CAMTA2: variants seen among roughly 807,000 people sequenced by gnomAD.
The protein encoded by CAMTA2 is calmodulin binding transcription activator 2.
CAMTA2 carries 56 observed loss-of-function variants against 135.7 expected under a neutral mutation model. That is an observed-to-expected ratio of 0.41 (90% CI 0.33 to 0.52). The LOEUF (loss-of-function observed/expected upper bound fraction) is 0.52, where lower values mean the gene tolerates loss of function less well. Among genes scored for constraint, CAMTA2 ranks in the 20% least tolerant of loss-of-function variants. CAMTA2 has a pLI of 0.16. For missense variants in CAMTA2, 1,358 were observed against 1,553.4 expected (o/e 0.87, Z 2.11); for synonymous variants, 591 against 604.6 (o/e 0.98, Z 0.33).
intron 1 of CAMTA2, chr17:4,986,712 C>A: frequency 1.8e-6 from 1 of 553,186 alleles, no homozygotes; most frequent in Non-Finnish European, 3.2e-6. Context: ...CCGGTAGAAG[C>A]TAGGCCTTTA....
chr17:4,973,838 C>T (rs1045116718), intron 12 of CAMTA2, 69 bp from the exon 13 acceptor site: 27 of 1,375,942 alleles, frequency 2.0e-5, no homozygotes, highest in Non-Finnish European at 2.3e-5. Flanking sequence ...GCCTTGGCCA[C>T]CTCACATCTG....
chr17:4,986,244 G>C lies in CAMTA2; in HGVS notation c.-22C>G. On this transcript the variant is annotated 5_prime_UTR_variant, in exon 2 of 23. Transcript: ENST00000348066. ...TCATGGTGAGGGCTCCAGGGGGCAAGGTCACCCCCGGCCTGAGGGGCCGGG... is the reference window on the plus strand; with the variant it reads ...TCATGGTGAGGGCTCCAGGGGGCAACGTCACCCCCGGCCTGAGGGGCCGGG... The C allele has an allele frequency of 3.7e-6, 6 of 1,603,970 alleles. No individual in the cohort carries two copies. Among genetic ancestry groups the C allele is most frequent in the Non-Finnish European group, 5.1e-6 (6 of 1,171,274 alleles).
In CAMTA2 at chr17:4,968,798, G is replaced by A. The variant is rs141566203; in HGVS notation, c.3567C>T (p.Asn1189=). ...CRHRMRELKQ[N]QELEGLPQPG... Reference sequence around the variant, plus strand: ...GCTGGGGAAGCCCTTCCAGCTCCTGGTTCTGCTTCAGTTCCCTCATCCTGC... The same window carrying A: ...GCTGGGGAAGCCCTTCCAGCTCCTGATTCTGCTTCAGTTCCCTCATCCTGC... Residue 1189 remains asparagine (N), a synonymous_variant, in exon 23 of 23, where the codon AAC becomes AAT. Transcript: ENST00000348066. 2.8e-5 allele frequency: 46 copies of A among 1,614,066 alleles called. No homozygotes were observed. Among genetic ancestry groups the A allele is most frequent in the Non-Finnish European group, 3.8e-5 (45 of 1,180,042 alleles).
At position 4,969,338 on chromosome 17, in the gene CAMTA2, C is replaced by G. The variant is rs1972111957; in HGVS notation, c.3283-1G>C. 1 of 1,613,466 alleles carries G rather than the reference C, an allele frequency of 6.2e-7. No homozygotes were observed. The highest frequency in any genetic ancestry group is 1.3e-5 in the African/African-American group (1 of 74,834). On this transcript the variant is annotated splice_acceptor_variant, in intron 20 of 22. Transcript: ENST00000348066. LOFTEE classifies it high-confidence loss of function. The surrounding 1 kb of genome is among the most constrained non-coding windows in gnomAD (Gnocchi z 5.6). ...GGGTCATCTTCTTATAGAGTGCAAA[C>G]TGCAGGGGTGGGGAGGAGGGACAGG...
intron 12 of CAMTA2, chr17:4,974,135 G>A (rs1263264070): frequency 2.1e-5 from 11 of 523,312 alleles, no homozygotes; most frequent in African/African-American, 1.4e-4. Context: ...CCCCTCCCCC[G>A]CCCTCTCCTT....
chr17:4,981,981 G>T (rs886482644), intron 6 of CAMTA2, 108 bp downstream of exon 6: 7 of 1,264,404 alleles, frequency 5.5e-6, no homozygotes, highest in African/African-American at 4.5e-5. Context: ...TTCTTCCCAG[G>T]CTCCTTTCCT....
chr17:4,987,168 G>A, intron 1 of CAMTA2: 1 of 1,346,818 alleles, frequency 7.4e-7, no homozygotes, highest in South Asian at 1.9e-5. Context: ...GCCTGCCAGG[G>A]TGCGGAGCGG....
chr17:4,973,479 C>T, intron 13 of CAMTA2, 106 bp downstream of exon 13: 1 of 1,196,186 alleles, frequency 8.4e-7, no homozygotes, highest in Non-Finnish European at 1.2e-6. Context: ...CCCACAATGA[C>T]CCCAACTCCC....
At chr17:4,984,426 G>T (rs1973143926) in intron 3 of CAMTA2, among the ~76,000 whole-genome samples, 1 of 152,186 alleles carries the variant, frequency 6.6e-6, no homozygotes, top group African/African-American at 2.4e-5. Flanking sequence ...TACAAGGCAG[G>T]TACCATGTGC....
At chr17:4,978,937 G>A (rs141763595) in intron 9 of CAMTA2, among the ~76,000 whole-genome samples, 1 of 152,162 alleles carries the variant, frequency 6.6e-6, no homozygotes, top group Non-Finnish European at 1.5e-5. Context: ...CACCCCCACT[G>A]TACTTCCTCC....
In CAMTA2 at chr17:4,974,554, A is replaced by T; in HGVS notation, c.1901-54T>A. 3 of 1,056,652 alleles carry T rather than the reference A, an allele frequency of 2.8e-6. No homozygotes were observed. In the Admixed American group the frequency reaches 5.1e-5, roughly 18 times the overall value. The allele number at this position is 1,056,652 out of a possible 1,614,324, so 65.5% of individuals were successfully genotyped here. On this transcript the variant is annotated intron_variant, in intron 11 of 22. Transcript: ENST00000348066. ...GTGGGCAGTCTAGGTGATGCCCTGA[A>T]CACCAAAAGTAGACCTGTCCCAAGA... is the stretch of plus-strand genomic sequence containing the variant.
At position 4,980,099 on chromosome 17, in the gene CAMTA2, G is replaced by C. The variant is rs148000158; in HGVS notation, c.1223C>G (p.Thr408Ser). ...PDFPEAEAAH[T>S]PCSALEPAAA... Reference sequence around the variant, plus strand: ...AGCAGGCTCTAGGGCAGAACAGGGGGTATGAGCGGCCTCTGCCTCGGGGAA... The same window carrying C: ...AGCAGGCTCTAGGGCAGAACAGGGGCTATGAGCGGCCTCTGCCTCGGGGAA... The change falls in exon 9 of 23, where the codon ACC becomes AGC. Residue 408 changes from threonine to serine, a missense_variant. Around this residue, in one of 4 missense-constraint regions of CAMTA2, gnomAD observed 1,077 missense variants for 1,127.5 expected, o/e 0.96. Coordinates refer to ENST00000348066, the MANE Select transcript of CAMTA2 (RefSeq NM_015099.4). This position sits in a 1 kb window ranked among gnomAD's most constrained non-coding sequence, Gnocchi z 5.3. The C allele has an allele frequency of 6.2e-7, 1 of 1,611,840 alleles. No homozygotes were observed. Among genetic ancestry groups the C allele is most frequent in the African/African-American group, 1.3e-5 (1 of 75,014 alleles).
chr17:4,971,187 C>T (rs766569920), intron 16 of CAMTA2, among the ~76,000 whole-genome samples: 4 of 152,186 alleles, frequency 2.6e-5, no homozygotes, highest in Non-Finnish European at 4.4e-5. Context: ...TTATCATGTG[C>T]AAGCCTCCTT....
At position 4,986,254 on chromosome 17, in the gene CAMTA2, G is replaced by GGCCTGAGGGGCC. The variant is rs1331535220; in HGVS notation, c.-44_-33dup. ...GGCTCCAGGGGGCAAGGTCACCCCCGGCCTGAGGGGCCGGGGGGAGGGGGA... is the reference window on the plus strand; with the variant it reads ...GGCTCCAGGGGGCAAGGTCACCCCCGGCCTGAGGGGCCGCCTGAGGGGCCGGGGGGAGGGGGA... On this transcript the variant is annotated 5_prime_UTR_variant, in exon 2 of 23. Transcript: ENST00000348066. 1.9e-6 allele frequency: 3 copies of GGCCTGAGGGGCC among 1,565,706 alleles called. No homozygotes were observed. The highest frequency in any genetic ancestry group is 2.6e-6 in the Non-Finnish European group (3 of 1,143,516).
chr17:4,981,699 A>T lies in CAMTA2; in HGVS notation c.544T>A (p.Leu182Met). ...EWLKWSREEL[L>M]GQLKPMFHGI... ...TTACACATGGGCTTCAGCTGTCCCA[A>T]CAACTCCTCCCGGGACCACTTCAGC... The change falls in exon 7 of 23, where the codon TTG becomes ATG. Residue 182 changes from leucine (L) to methionine (M), a missense_variant. By Grantham distance (15) the Leu-to-Met change is conservative. Around this residue, in one of 4 missense-constraint regions of CAMTA2, gnomAD observed 1,077 missense variants for 1,127.5 expected, o/e 0.96. Coordinates refer to ENST00000348066, the MANE Select transcript of CAMTA2 (RefSeq NM_015099.4). The T allele has an allele frequency of 6.2e-7, 1 of 1,608,210 alleles. No homozygotes were observed. Among genetic ancestry groups the T allele is most frequent in the Non-Finnish European group, 8.5e-7 (1 of 1,177,156 alleles).
In CAMTA2 at chr17:4,969,556, A is replaced by G. The variant is rs1041294712; in HGVS notation, c.3262-36T>C. ...GAGAAGGGGAGTTAGGGCTCTGGCA[A>G]CATTCTGGAATGGTTAGGCGTGGGT... On this transcript the variant is annotated intron_variant, in intron 19 of 22. Transcript: ENST00000348066. This position sits in a 1 kb window ranked among gnomAD's most constrained non-coding sequence, Gnocchi z 5.6. 2.5e-6 allele frequency: 4 copies of G among 1,614,006 alleles called. No individual in the cohort carries two copies. The African/African-American group carries it at 4.0e-5, about 16-fold the overall frequency.
At chr17:4,981,627 G>T in intron 7 of CAMTA2, 51 bp downstream of exon 7, 1 of 1,529,304 alleles carries the variant, frequency 6.5e-7, no homozygotes, top group Non-Finnish European at 8.8e-7. Context: ...CCCTCTGGGA[G>T]CCCTGTTTCT....
intron 8 of CAMTA2, 41 bp downstream of exon 8, chr17:4,981,184 G>A (rs1268000895): frequency 5.0e-6 from 8 of 1,606,484 alleles, no homozygotes; most frequent in Non-Finnish European, 6.8e-6. Flanking sequence ...GAGCAGTGTG[G>A]CTAGGTGGGA....
At chr17:4,974,350 C>G in intron 12 of CAMTA2, 35 bp downstream of exon 12, 1 of 1,355,126 alleles carries the variant, frequency 7.4e-7, no homozygotes, top group Non-Finnish European at 1.1e-6. Flanking sequence ...CCCCCTGCTC[C>G]CCACCGTAGA....
Sources: gnomAD v4.1 joint callset for allele counts (sites outside exome capture counted in the v4.1 genomes callset) on GRCh38, gnomAD v4.1.1 for gene constraint, gnomAD v4.1.1 regional missense constraint, Gnocchi (gnomAD v3.1) non-coding constraint, MANE v1.5 for transcripts, NCBI Gene and HGNC (gene_info 2026-07-23, HGNC 2026-07-21) for gene names.